The following KAZN variants were observed in gnomAD, a reference collection of about 807,000 sequenced individuals.
The protein encoded by KAZN is kazrin.
A neutral mutation model predicts 87.4 loss-of-function variants in KAZN; 40 were observed. The observed-to-expected ratio is 0.46, with a 90% confidence interval of 0.36 to 0.60. KAZN has a LOEUF of 0.60. Among genes scored for constraint, KAZN ranks in the 20% least tolerant of loss-of-function variants. The pLI is 0.00. For missense variants in KAZN, 898 were observed against 1,073.9 expected, an observed-to-expected ratio of 0.84 and a Z score of 2.29; for synonymous variants, 466 against 458.3, an observed-to-expected ratio of 1.02 and a Z score of -0.22.
intron 1 of KAZN, among the ~76,000 whole-genome samples, chr1:14,625,669 G>A (rs1448417880): frequency 6.6e-6 from 1 of 152,228 alleles, no homozygotes; most frequent in South Asian, 2.1e-4. Context: ...ATGTAATTAT[G>A]TGAAACTTCA....
At chr1:13,978,730 G>A (rs1638505169) in intron 1 of KAZN, among the ~76,000 whole-genome samples, 1 of 152,114 alleles carries the variant, frequency 6.6e-6, no homozygotes, top group African/African-American at 2.4e-5. Flanking sequence ...AAGAGCTTAA[G>A]AGACAGGTAA....
intron 2 of KAZN, among the ~76,000 whole-genome samples, chr1:14,328,019 T>C (rs929669743): frequency 1.3e-5 from 2 of 152,216 alleles, no homozygotes; most frequent in African/African-American, 4.8e-5. Flanking sequence ...ATTGTATGTT[T>C]AATGAACAAA....
At chr1:14,585,940 C>T (rs1675825545) in intron 2 of KAZN, among the ~76,000 whole-genome samples, 1 of 152,196 alleles carries the variant, frequency 6.6e-6, no homozygotes, top group Non-Finnish European at 1.5e-5. Flanking sequence ...CACACGCCAT[C>T]TCGAGGCAGC....
rs572377925 is a variant in KAZN at position 14,518,308 on chromosome 1, C to A, written c.250-80675C>A. On this transcript the variant is annotated intron_variant, in intron 2 of 16. Coordinates refer to the KAZN transcript ENST00000636203. ...TCTCCTGCCTCAGCCCCCTGAGTAG[C>A]TGGGACTACAAATGCGCACCACCAC... Among the ~76,000 whole-genome samples, 4 of 150,922 alleles carry A rather than the reference C, an allele frequency of 2.7e-5. No individual in the cohort carries two copies. In the South Asian group the frequency reaches 8.4e-4, roughly 32 times the overall value.
At chr1:14,833,612 T>G (rs1319362640) in intron 1 of KAZN, among the ~76,000 whole-genome samples, 1 of 152,118 alleles carries the variant, frequency 6.6e-6, no homozygotes, top group Admixed American at 6.5e-5. Context: ...GGTTCTGTCT[T>G]TTCTGGGTGA....
intron 2 of KAZN, among the ~76,000 whole-genome samples, chr1:14,486,664 A>C (rs1198505376): frequency 6.6e-6 from 1 of 152,208 alleles, no homozygotes; most frequent in East Asian, 1.9e-4. Flanking sequence ...TAGACTCAGC[A>C]GATAGACATT....
rs917110198 is a variant in KAZN at position 14,867,728 on chromosome 1, C to A, written c.227-92956C>A. Among the ~76,000 whole-genome samples, 55 of 116,140 alleles carry A rather than the reference C, an allele frequency of 4.7e-4. 3 individuals are homozygous for A. The highest frequency in any genetic ancestry group is 3.2e-5 in the African/African-American group (1 of 31,732). 76.2% of individuals were successfully genotyped at this position (116,140 alleles called of 152,430 possible). A position where few individuals can be genotyped will look rare whatever the true frequency, so the allele number is the denominator to read the frequency against. On this transcript the variant is annotated intron_variant, in intron 1 of 14. Coordinates refer to ENST00000376030, the MANE Select transcript of KAZN (RefSeq NM_201628.3). ...TTACTCGGTGTCTTTGAAGACACCC[C>A]CCCCCCCACCCTGGGCATGGAGGCA...
intron 2 of KAZN, among the ~76,000 whole-genome samples, chr1:14,319,631 G>A (rs1017982904): frequency 2.6e-5 from 4 of 152,128 alleles, no homozygotes; most frequent in African/African-American, 9.7e-5. Flanking sequence ...CTCCACTTGG[G>A]ATCCTCCTCC....
At chr1:14,059,659 A>T (rs1642711265) in intron 1 of KAZN, among the ~76,000 whole-genome samples, 1 of 152,208 alleles carries the variant, frequency 6.6e-6, no homozygotes, top group Admixed American at 6.5e-5. Context: ...CCTGCAATCC[A>T]TTCAAGTTGA....
At chr1:14,954,765 G>T (rs1662883623) in intron 1 of KAZN, among the ~76,000 whole-genome samples, 1 of 152,144 alleles carries the variant, frequency 6.6e-6, no homozygotes, top group Non-Finnish European at 1.5e-5. Context: ...GACCATCCTG[G>T]CTAACACGGT....
At chr1:13,935,861 A>G (rs1640708797) in intron 1 of KAZN, among the ~76,000 whole-genome samples, 1 of 87,048 alleles carries the variant, frequency 1.1e-5, no homozygotes. Context: ...TTTACATCCT[A>G]ATGTGTGTGT....
intron 2 of KAZN, among the ~76,000 whole-genome samples, chr1:14,560,759 G>A (rs894496628): frequency 1.3e-5 from 2 of 152,090 alleles, no homozygotes; most frequent in African/African-American, 2.4e-5. Flanking sequence ...AGAGGAAGAA[G>A]GAGTAAAGAT....
intron 1 of KAZN, among the ~76,000 whole-genome samples, chr1:14,786,300 C>T (rs975222667): frequency 1.3e-5 from 2 of 152,192 alleles, no homozygotes; most frequent in Admixed American, 6.5e-5. Context: ...TGGTAACTCT[C>T]TAGTTAATAT....
chr1:14,067,539 G>A (rs548942599), intron 1 of KAZN, among the ~76,000 whole-genome samples: 3 of 152,214 alleles, frequency 2.0e-5, no homozygotes, highest in East Asian at 1.9e-4. Flanking sequence ...GATGGGCATG[G>A]GCTTATTTAT....
At chr1:15,071,211 TG>T (rs1639491051) in intron 8 of KAZN, among the ~76,000 whole-genome samples, 1 of 152,202 alleles carries the variant, frequency 6.6e-6, no homozygotes, top group Non-Finnish European at 1.5e-5. Context: ...GGTATAAGTC[TG>T]GGATGGCAAA....
At chr1:13,958,916 T>G (rs1641650843) in intron 1 of KAZN, among the ~76,000 whole-genome samples, 1 of 152,054 alleles carries the variant, frequency 6.6e-6, no homozygotes, top group East Asian at 1.9e-4. Flanking sequence ...TCTACTAGAT[T>G]GGTGAGGTCT....
At chr1:14,066,717 A>G (rs998344438) in intron 1 of KAZN, among the ~76,000 whole-genome samples, 2 of 152,194 alleles carry the variant, frequency 1.3e-5, no homozygotes, top group African/African-American at 2.4e-5. Context: ...TAATCACTAC[A>G]TAGGAGCTTT....
intron 1 of KAZN, chr1:13,893,877 G>A: frequency 8.4e-7 from 1 of 1,195,296 alleles, no homozygotes; most frequent in South Asian, 1.6e-5. Context: ...TCTCTTTCTT[G>A]ATATAATGTG....
Position 14,012,978 on chromosome 1 carries a change from T to C in KAZN, c.91+119222T>C, listed in dbSNP as rs552617566. Among the ~76,000 whole-genome samples, 27 of 152,360 alleles carry C rather than the reference T, an allele frequency of 1.8e-4. 1 individual carries two copies. The highest frequency in any genetic ancestry group is 6.3e-4 in the African/African-American group (26 of 41,594). On this transcript the variant is annotated intron_variant, in intron 1 of 16. Coordinates refer to the KAZN transcript ENST00000636203. ...TGTAAAAAGAAGGCTTCGAGCCTGA[T>C]AGAGACCAGCATCCCTGCCCTGAGA...
Sources: gnomAD v4.1 joint callset for allele counts (sites outside exome capture counted in the v4.1 genomes callset) on GRCh38, gnomAD v4.1.1 for gene constraint, MANE v1.5 for transcripts, NCBI Gene and HGNC (gene_info 2026-07-23, HGNC 2026-07-21) for gene names.